Variants in ELFN2 observed in about 807,000 individuals in gnomAD.
ELFN2 encodes extracellular leucine rich repeat and fibronectin type III domain containing 2.
ELFN2 carries 17 observed loss-of-function variants against 45.5 expected under a neutral mutation model. That is an observed-to-expected ratio of 0.37 (90% CI 0.26 to 0.56). The LOEUF (loss-of-function observed/expected upper bound fraction) is 0.56. Ranked by LOEUF, ELFN2 falls within the 20% of genes least tolerant of loss-of-function variation. The pLI is 0.77. For missense variants in ELFN2, 922 were observed against 1,183.2 expected, an observed-to-expected ratio of 0.78 and a Z score of 3.24; for synonymous variants, 550 against 551.5, an observed-to-expected ratio of 1.00 and a Z score of 0.04.
intron 2 of ELFN2, among the ~76,000 whole-genome samples, chr22:37,380,680 T>C (rs968470855): frequency 2.0e-5 from 3 of 152,104 alleles, no homozygotes; most frequent in African/African-American, 7.2e-5. Context: ...GTCATTGCCA[T>C]TACTGAGGAT....
chr22:37,412,529 G>A (rs1028021323), intron 2 of ELFN2, among the ~76,000 whole-genome samples: 1 of 152,078 alleles, frequency 6.6e-6, no homozygotes, highest in Non-Finnish European at 1.5e-5. Context: ...AGGACCCCAG[G>A]CCACGCCTCA....
chr22:37,397,485 G>A (rs1215682408), intron 2 of ELFN2, among the ~76,000 whole-genome samples: 3 of 152,152 alleles, frequency 2.0e-5, no homozygotes, highest in East Asian at 1.9e-4. Context: ...CGTCCAGTAC[G>A]ATGGCTCCCA....
At chr22:37,349,312 G>A (rs1930769597) in intron 1 of ELFN2, among the ~76,000 whole-genome samples, 1 of 151,270 alleles carries the variant, frequency 6.6e-6, no homozygotes, top group African/African-American at 2.4e-5. Context: ...TCTCCCCACA[G>A]GGGCAGGTAG....
intron 2 of ELFN2, among the ~76,000 whole-genome samples, chr22:37,413,963 G>A (rs1008645086): frequency 5.9e-5 from 9 of 152,216 alleles, no homozygotes; most frequent in African/African-American, 1.4e-4. Flanking sequence ...AATGCCCGGC[G>A]TGCCACTCAC....
At chr22:37,398,319 C>G (rs6000712) in intron 2 of ELFN2, among the ~76,000 whole-genome samples, 11,964 of 152,140 alleles carry the variant, frequency 0.079, 876 homozygotes, top group African/African-American at 0.19. Context: ...CCAGCCTGGC[C>G]TCTCCCTCCT....
intron 2 of ELFN2, among the ~76,000 whole-genome samples, chr22:37,342,158 A>G (rs1429457852): frequency 6.6e-6 from 1 of 152,174 alleles, no homozygotes; most frequent in Admixed American, 6.5e-5. Context: ...AGACCGAGCA[A>G]GTCTTCCCCT....
Position 37,373,639 on chromosome 22 carries a change from C to A in ELFN2, c.1896G>T (p.Ser632=), listed in dbSNP as rs766332484. 2 of 1,594,972 alleles carry A rather than the reference C, an allele frequency of 1.3e-6. No individual in the cohort carries two copies. The highest frequency in any genetic ancestry group is 1.1e-5 in the South Asian group (1 of 88,650). Residue 632 remains serine, a synonymous_variant, in exon 3 of 3, where the codon TCG becomes TCT. Coordinates refer to ENST00000402918, the MANE Select transcript of ELFN2 (RefSeq NM_052906.5). ...TGGCGCTCTTGATGGAACCACTGGA[C>A]GACACGCTGCAGGTCTTGCGGGTCA... The part of the protein sequence containing the change: ...AAVTRKTCSV[S]SSGSIKSAKV...
rs133723 is a variant in ELFN2, at chr22:37,425,870, TACACAC to T, written c.-614+1422_-614+1427del. On this transcript the variant is annotated intron_variant, in intron 1 of 2. Transcript: ENST00000402918. ...GGGGTGTCAGCCATGCACATACACA[TACACAC>T]ACACACACACACACACACACACTCC... Among the ~76,000 whole-genome samples, 358 of 145,784 alleles carry T rather than the reference TACACAC, an allele frequency of 2.5e-3. 3 individuals carry two copies. Among genetic ancestry groups the T allele is most frequent in the African/African-American group, 7.6e-3 (296 of 39,190 alleles).
intron 1 of ELFN2, among the ~76,000 whole-genome samples, chr22:37,421,715 C>A (rs969538631): frequency 6.6e-6 from 1 of 152,172 alleles, no homozygotes; most frequent in Non-Finnish European, 1.5e-5. Flanking sequence ...TGCAGCGATC[C>A]GTCCTCGGTA....
At chr22:37,350,350 G>A (rs1930793758) in intron 1 of ELFN2, among the ~76,000 whole-genome samples, 1 of 143,208 alleles carries the variant, frequency 7.0e-6, no homozygotes, top group South Asian at 2.3e-4. Context: ...TGCAGCCTGA[G>A]AAGGTCCCTC....
chr22:37,373,353 C>T lies in ELFN2; in HGVS notation c.2182G>A (p.Val728Met), dbSNP rs144499416. 141 of 1,613,158 alleles carry T rather than the reference C, an allele frequency of 8.7e-5. No individual in the cohort carries two copies. The highest frequency in any genetic ancestry group is 3.3e-4 in the Middle Eastern group (2 of 6,060). ...EEGADSLSQR[V>M]SFLKPLTRSK... Reference sequence around the variant, plus strand: ...CGGGTCAGCGGCTTGAGGAAGGACACGCGCTGGCTCAGGCTGTCGGCACCC... The same window carrying T: ...CGGGTCAGCGGCTTGAGGAAGGACATGCGCTGGCTCAGGCTGTCGGCACCC... The change falls in exon 3 of 3, where the codon GTG becomes ATG. Residue 728 changes from valine (V) to methionine (M), a missense_variant. Physicochemically the swap from Val to Met is conservative, Grantham distance 21. Transcript: ENST00000402918.
chr22:37,349,025 G>T (rs1444258611), intron 1 of ELFN2, among the ~76,000 whole-genome samples: 2 of 151,134 alleles, frequency 1.3e-5, no homozygotes, highest in African/African-American at 2.4e-5. Context: ...TTTCATGTCA[G>T]CAGGGCAGCC....
chr22:37,388,460 GC>G (rs888665918), intron 2 of ELFN2, among the ~76,000 whole-genome samples: 1 of 152,206 alleles, frequency 6.6e-6, no homozygotes, highest in Non-Finnish European at 1.5e-5. Context: ...AAGGAGGCCA[GC>G]TCGCCGCCCT....
At chr22:37,420,082 G>T (rs892859653) in intron 1 of ELFN2, among the ~76,000 whole-genome samples, 67 of 152,178 alleles carry the variant, frequency 4.4e-4, no homozygotes, top group Non-Finnish European at 4.6e-4. Flanking sequence ...AGGCTGGCGG[G>T]GTGGGCCGCG....
chr22:37,405,090 A>ATTTTTTT (rs745621772), intron 2 of ELFN2, among the ~76,000 whole-genome samples: 1 of 124,042 alleles, frequency 8.1e-6, no homozygotes, highest in African/African-American at 3.3e-5. Context: ...GAACCTCAGC[A>ATTTTTTT]TTTTTTTTTT....
intron 1 of ELFN2, among the ~76,000 whole-genome samples, chr22:37,418,581 C>A (rs970274730): frequency 6.6e-6 from 1 of 151,978 alleles, no homozygotes; most frequent in Admixed American, 6.5e-5. Flanking sequence ...CACTCTCACA[C>A]TCCCCTGACC....
At chr22:37,379,929 C>A (rs1413468290) in intron 2 of ELFN2, among the ~76,000 whole-genome samples, 1 of 152,176 alleles carries the variant, frequency 6.6e-6, no homozygotes, top group Non-Finnish European at 1.5e-5. Context: ...CCACCCCTGC[C>A]CCCCCTCGGA....
At chr22:37,425,165 C>T (rs943445176) in intron 1 of ELFN2, among the ~76,000 whole-genome samples, 2 of 152,220 alleles carry the variant, frequency 1.3e-5, no homozygotes, top group Admixed American at 6.5e-5. Context: ...CATTAAAGCA[C>T]ATCCACCCAG....
rs1931368481 is a variant in ELFN2, at chr22:37,371,573, G to T, written c.*1499C>A. 6.6e-6 allele frequency: 1 copy of T among 152,472 alleles called. No homozygotes were observed. Among genetic ancestry groups the T allele is most frequent in the Non-Finnish European group, 1.5e-5 (1 of 68,246 alleles). The allele number at this position is 152,472 out of a possible 1,614,324, so 9.4% of individuals were successfully genotyped here. A position where few individuals can be genotyped will look rare whatever the true frequency, so the allele number is the denominator to read the frequency against. Reference sequence around the variant, plus strand: ...AGGACCGCAGATTTGCCTCCCAAAAGAGCTGGCCCCAGGAGCTGCTGCCAG... The same window carrying T: ...AGGACCGCAGATTTGCCTCCCAAAATAGCTGGCCCCAGGAGCTGCTGCCAG... On this transcript the variant is annotated 3_prime_UTR_variant, in exon 3 of 3. Coordinates refer to ENST00000402918, the MANE Select transcript of ELFN2 (RefSeq NM_052906.5). The surrounding 1 kb of genome is among the most constrained non-coding windows in gnomAD (Gnocchi z 6.4).
Sources: allele counts gnomAD v4.1 joint callset (sites outside exome capture counted in the v4.1 genomes callset), GRCh38; gene constraint gnomAD v4.1.1; non-coding constraint Gnocchi (gnomAD v3.1); transcripts MANE v1.5; gene names NCBI Gene and HGNC (gene_info 2026-07-23, HGNC 2026-07-21).